The following CSMD1 variants were observed in gnomAD, a reference collection of about 807,000 sequenced individuals.
CSMD1 encodes CUB and sushi domain-containing protein 1.
A neutral mutation model predicts 417.5 loss-of-function variants in CSMD1; 213 were observed. That is an observed-to-expected ratio of 0.51 (90% confidence interval 0.46 to 0.57). The LOEUF is 0.57. CSMD1 is among the 20% of genes least tolerant of loss of function. The pLI, the probability that CSMD1 is intolerant of heterozygous loss-of-function variation, is 0.00. For missense variants in CSMD1, 6,923 were observed against 4,529.7 expected (o/e 1.53, Z -15.17); for synonymous variants, 2,862 against 1,736.8 (o/e 1.65, Z -16.11).
chr8:4,754,622 T>A (rs1676951), intron 1 of CSMD1, among the ~76,000 whole-genome samples: 1 of 150,994 alleles, frequency 6.6e-6, no homozygotes, highest in Non-Finnish European at 1.5e-5. Context: ...GAGGCAGAGG[T>A]GGGTGGATCA....
At chr8:3,608,589 C>G (rs560851596) in intron 8 of CSMD1, among the ~76,000 whole-genome samples, 1 of 151,916 alleles carries the variant, frequency 6.6e-6, no homozygotes, top group Admixed American at 6.6e-5. Context: ...TAGTGAAACC[C>G]CGTCTCTATT....
intron 3 of CSMD1, among the ~76,000 whole-genome samples, chr8:4,154,717 T>C (rs1585437908): frequency 6.6e-6 from 1 of 152,188 alleles, no homozygotes; most frequent in Admixed American, 6.5e-5. Flanking sequence ...AGAGATCATG[T>C]TTGTAGACCT....
chr8:4,070,021 T>C (rs1035307673), intron 3 of CSMD1, among the ~76,000 whole-genome samples: 1 of 152,184 alleles, frequency 6.6e-6, no homozygotes, highest in Non-Finnish European at 1.5e-5. Context: ...CTTAAGAATT[T>C]TTTTTAATTA....
chr8:4,798,730 C>A (rs1798117737), intron 1 of CSMD1, among the ~76,000 whole-genome samples: 1 of 152,136 alleles, frequency 6.6e-6, no homozygotes, highest in African/African-American at 2.4e-5. Flanking sequence ...TAGAAACTTA[C>A]ATTTATTAAT....
In CSMD1 at chr8:4,483,480, G is replaced by C. The variant is rs527469407; in HGVS notation, c.303-63415C>G. On this transcript the variant is annotated intron_variant, in intron 2 of 69. Transcript: ENST00000635120. The stretch of plus-strand genomic sequence containing the variant: ...GCTTTAATATAACAGACTTCTAATC[G>C]ATAAAGCAATAATGTATGATGTATG... 6.6e-5 allele frequency among the ~76,000 whole-genome samples: 10 copies of C among 152,198 alleles called. No homozygotes were observed. In the East Asian group the frequency reaches 1.9e-3, roughly 29 times the overall value.
At chr8:3,688,811 A>G (rs1006663540) in intron 7 of CSMD1, among the ~76,000 whole-genome samples, 1 of 152,178 alleles carries the variant, frequency 6.6e-6, no homozygotes, top group African/African-American at 2.4e-5. Flanking sequence ...ATAGTAAATA[A>G]AACAGTGTAA....
At chr8:3,549,040 C>T (rs1025719100) in intron 10 of CSMD1, among the ~76,000 whole-genome samples, 5 of 152,148 alleles carry the variant, frequency 3.3e-5, no homozygotes, top group Non-Finnish European at 5.9e-5. Flanking sequence ...ACCTGCTCCT[C>T]GAAGCCATCC....
chr8:4,653,411 T>C (rs1804031574), intron 1 of CSMD1, among the ~76,000 whole-genome samples: 1 of 152,134 alleles, frequency 6.6e-6, no homozygotes, highest in Non-Finnish European at 1.5e-5. Context: ...TTCTGGTAAT[T>C]GTTTAATTCA....
chr8:4,093,153 G>C (rs939896176), intron 3 of CSMD1, among the ~76,000 whole-genome samples: 3 of 152,094 alleles, frequency 2.0e-5, no homozygotes, highest in Admixed American at 6.6e-5. Flanking sequence ...CATATTGACT[G>C]TTTGCAGGTT....
chr8:4,134,289 A>G (rs898869697), intron 3 of CSMD1, among the ~76,000 whole-genome samples: 2 of 152,190 alleles, frequency 1.3e-5, no homozygotes, highest in African/African-American at 4.8e-5. Context: ...GTATTTGAGG[A>G]TAAAGCCTTT....
At chr8:4,788,537 T>A in intron 1 of CSMD1, 1 of 1,409,896 alleles carries the variant, frequency 7.1e-7, no homozygotes, top group Non-Finnish European at 9.8e-7. Flanking sequence ...TTTGAACACA[T>A]GTATTTCCTT....
chr8:3,124,988 T>A (rs960851745), intron 41 of CSMD1, among the ~76,000 whole-genome samples: 6 of 152,228 alleles, frequency 3.9e-5, no homozygotes, highest in African/African-American at 1.4e-4. Flanking sequence ...AATGTCTTGT[T>A]AAACTGAGTA....
At chr8:3,317,542 AG>A (rs1275117550) in intron 23 of CSMD1, among the ~76,000 whole-genome samples, 5 of 152,252 alleles carry the variant, frequency 3.3e-5, no homozygotes, top group African/African-American at 1.2e-4. Context: ...TTGTATAGCA[AG>A]GGGTGAATAG....
At chr8:4,621,944 T>C (rs961739308) in intron 2 of CSMD1, among the ~76,000 whole-genome samples, 2 of 152,052 alleles carry the variant, frequency 1.3e-5, no homozygotes, top group South Asian at 2.1e-4. Flanking sequence ...ACCATTTTAA[T>C]TGATGCCAAA....
rs76384583 is a variant in CSMD1, at chr8:3,055,133, G to T, written c.7475-2486C>A. On this transcript the variant is annotated intron_variant, in intron 49 of 69. Transcript: ENST00000635120. ...GGGAAAGAAATGACATTTTTCTATC[G>T]GACGAAATGGGAAAGATGACATTCT... Among the ~76,000 whole-genome samples the T allele has an allele frequency of 2.2e-3, 340 of 152,168 alleles. 5 individuals carry two copies. The East Asian group carries it at 0.056, about 25-fold the overall frequency.
intron 7 of CSMD1, among the ~76,000 whole-genome samples, chr8:3,664,004 G>A (rs1487102151): frequency 6.6e-6 from 1 of 152,170 alleles, no homozygotes; most frequent in Admixed American, 6.5e-5. Context: ...GCCATTGGAT[G>A]GCTTGAGTTA....
chr8:3,735,553 AG>A (rs1584922610), intron 6 of CSMD1, among the ~76,000 whole-genome samples: 1 of 152,230 alleles, frequency 6.6e-6, no homozygotes, highest in African/African-American at 2.4e-5. Flanking sequence ...TTCTGCCTTT[AG>A]AAAATATGAG....
intron 49 of CSMD1, among the ~76,000 whole-genome samples, chr8:3,074,871 G>A (rs1000785483): frequency 3.9e-5 from 6 of 152,144 alleles, no homozygotes; most frequent in Non-Finnish European, 7.4e-5. Flanking sequence ...GTTTACTGAT[G>A]TGGTTTGTAT....
At chr8:3,534,913 T>G (rs1357129348) in intron 10 of CSMD1, among the ~76,000 whole-genome samples, 1 of 152,160 alleles carries the variant, frequency 6.6e-6, no homozygotes, top group African/African-American at 2.4e-5. Context: ...AGAATTCAAG[T>G]AAAAGATAGC....
Sources: gnomAD v4.1 joint callset for allele counts (sites outside exome capture counted in the v4.1 genomes callset) on GRCh38, gnomAD v4.1.1 for gene constraint, MANE v1.5 for transcripts, NCBI Gene and HGNC (gene_info 2026-07-23, HGNC 2026-07-21) for gene names.